The following FANCA variants were observed in gnomAD, a reference collection of about 807,000 sequenced individuals.
FANCA encodes the protein FA complementation group A.
FANCA carries 236 observed loss-of-function variants against 194.3 expected under a neutral mutation model. The observed-to-expected ratio is 1.21, with a 90% CI of 1.09 to 1.35. The LOEUF (loss-of-function observed/expected upper bound fraction) is 1.35. Among genes scored for constraint, FANCA ranks in the 40% most tolerant of loss-of-function variants. FANCA has a pLI of 0.00. For missense variants in FANCA, 2,628 were observed against 1,813.9 expected, an observed-to-expected ratio of 1.45 and a Z score of -8.15; for synonymous variants, 1,014 against 715.8, an observed-to-expected ratio of 1.42 and a Z score of -6.65.
At position 89,752,562 on chromosome 16, in the gene FANCA, T is replaced by A. The variant is rs17227022; in HGVS notation, c.2982-340A>T. Among the ~76,000 whole-genome samples, 3,550 of 152,354 alleles carry A rather than the reference T, an allele frequency of 0.023. 115 individuals carry two copies. Among genetic ancestry groups the A allele is most frequent in the African/African-American group, 0.075 (3,099 of 41,574 alleles). The stretch of plus-strand genomic sequence containing the variant: ...AGTTATACCAGATATAGATCTTAGA[T>A]ATGATTACATATGAATATCATTAAT... On this transcript the variant is annotated intron_variant, in intron 30 of 42. Transcript: ENST00000389301.
chr16:89,738,989 G>C lies in FANCA; in HGVS notation c.4168-15C>G. The C allele has an allele frequency of 1.2e-6, 2 of 1,614,222 alleles. No individual in the cohort carries two copies. Among genetic ancestry groups the C allele is most frequent in the Non-Finnish European group, 1.7e-6 (2 of 1,180,036 alleles). On this transcript the variant is annotated splice_polypyrimidine_tract_variant and intron_variant, in intron 41 of 42. Coordinates refer to ENST00000389301, the MANE Select transcript of FANCA (RefSeq NM_000135.4). ...ACGGGGTTGCCCTAGAGAGAAAACAGGCAAACTCACAGGTTAGAAGACATA... is the reference window on the plus strand; with the variant it reads ...ACGGGGTTGCCCTAGAGAGAAAACACGCAAACTCACAGGTTAGAAGACATA...
At chr16:89,769,390 T>A (rs2039243050) in intron 26 of FANCA, among the ~76,000 whole-genome samples, 1 of 152,144 alleles carries the variant, frequency 6.6e-6, no homozygotes, top group Non-Finnish European at 1.5e-5. Flanking sequence ...CACAGGGTCC[T>A]TCCTCACCTC....
chr16:89,773,711 G>A (rs2039400911), intron 21 of FANCA, among the ~76,000 whole-genome samples: 1 of 151,950 alleles, frequency 6.6e-6, no homozygotes, highest in Non-Finnish European at 1.5e-5. Flanking sequence ...GAGGATCGAG[G>A]GCTGGCGAGG....
At chr16:89,811,192 C>T (rs559425075) in intron 3 of FANCA, 121 bp from the exon 4 acceptor site, 121 of 1,228,206 alleles carry the variant, frequency 9.9e-5, no homozygotes, top group South Asian at 3.3e-4. Flanking sequence ...GCCTTTTAAA[C>T]GGGGAGAATA....
chr16:89,810,088 C>T (rs968002876), intron 5 of FANCA, among the ~76,000 whole-genome samples: 1 of 151,642 alleles, frequency 6.6e-6, no homozygotes, highest in African/African-American at 2.4e-5. Context: ...TTTGGGAGGC[C>T]GAGGTGGGCA....
chr16:89,761,023 G>C (rs982129192), intron 29 of FANCA, among the ~76,000 whole-genome samples: 1 of 152,160 alleles, frequency 6.6e-6, no homozygotes, highest in Non-Finnish European at 1.5e-5. Context: ...GGGCAGGCTT[G>C]TTTATTCCCC....
rs112992887 is a variant in FANCA, at chr16:89,795,083, G to C, written c.1006+823C>G. 3.3e-5 allele frequency among the ~76,000 whole-genome samples: 5 copies of C among 152,148 alleles called. No homozygotes were observed. In the East Asian group the frequency reaches 7.7e-4, roughly 24 times the overall value. On this transcript the variant is annotated intron_variant, in intron 11 of 42. Transcript: ENST00000389301. ...GCGGATTACCTGAGATTAGGAGTTC[G>C]AGACCAGCCTGGCCAACATGGTGAA... is the stretch of plus-strand genomic sequence containing the variant.
chr16:89,794,473 T>G (rs915523855), intron 11 of FANCA, among the ~76,000 whole-genome samples: 9 of 151,968 alleles, frequency 5.9e-5, no homozygotes, highest in Non-Finnish European at 1.0e-4. Flanking sequence ...GCGGCAGAGG[T>G]TGCAGTGAGC....
At position 89,793,527 on chromosome 16, in the gene FANCA, T is replaced by C. The variant is rs1034454265; in HGVS notation, c.1007-980A>G. On this transcript the variant is annotated intron_variant, in intron 11 of 42. Transcript: ENST00000389301. ...CTATATCTGGTATAACTATTCTTGT[T>C]TTATATTTTATTATACTAGAACAGC... Among the ~76,000 whole-genome samples, 8 of 152,324 alleles carry C rather than the reference T, an allele frequency of 5.3e-5. 1 individual carries two copies. The highest frequency in any genetic ancestry group is 4.1e-4 in the South Asian group (2 of 4,830).
At chr16:89,740,659 C>T (rs549586797) in intron 38 of FANCA, 145 bp downstream of exon 38, 16 of 652,698 alleles carry the variant, frequency 2.5e-5, no homozygotes, top group African/African-American at 5.6e-5. Context: ...AAAAAACCCA[C>T]GGCCTGGGAG....
chr16:89,815,113 G>C (rs909966715), intron 2 of FANCA, among the ~76,000 whole-genome samples: 44 of 151,724 alleles, frequency 2.9e-4, no homozygotes, highest in African/African-American at 8.9e-4. Context: ...TCTCACTCAC[G>C]GCGACCTCCA....
chr16:89,815,778 C>T, intron 2 of FANCA, 99 bp downstream of exon 2: 1 of 1,022,966 alleles, frequency 9.8e-7, no homozygotes, highest in Non-Finnish European at 1.5e-6. Flanking sequence ...GCCACCGCGC[C>T]CGCCGCCTCG....
At chr16:89,778,878 G>C in intron 19 of FANCA, 28 bp from the exon 20 acceptor site, 9 of 1,613,788 alleles carry the variant, frequency 5.6e-6, no homozygotes, top group Non-Finnish European at 6.8e-6. Context: ...ACCTGTGAGA[G>C]ACTGACAAGG....
intron 38 of FANCA, 154 bp from the exon 39 acceptor site, chr16:89,740,253 G>T: frequency 1.4e-6 from 1 of 719,084 alleles, no homozygotes; most frequent in Non-Finnish European, 2.5e-6. Flanking sequence ...GTAATACTGG[G>T]CCTCTGGACA....
Position 89,791,385 on chromosome 16 carries a change from G to A in FANCA, c.1359+18C>T, listed in dbSNP as rs529413689. 2.5e-5 allele frequency: 40 copies of A among 1,613,058 alleles called. No individual in the cohort carries two copies. Among genetic ancestry groups the A allele is most frequent in the East Asian group, 8.9e-5 (4 of 44,842 alleles). On this transcript the variant is annotated intron_variant, in intron 14 of 42. Coordinates refer to ENST00000389301, the MANE Select transcript of FANCA (RefSeq NM_000135.4). Reference sequence around the variant, plus strand: ...TGGGAAGATCAGGTATTAGGTAGCCGATTGGCAGGTCACTTACCTTGAACC... The same window carrying A: ...TGGGAAGATCAGGTATTAGGTAGCCAATTGGCAGGTCACTTACCTTGAACC...
At chr16:89,772,139 C>T (rs771548653) in intron 22 of FANCA, among the ~76,000 whole-genome samples, 3 of 152,216 alleles carry the variant, frequency 2.0e-5, no homozygotes, top group Non-Finnish European at 2.9e-5. Flanking sequence ...TCTGCCTAAG[C>T]GCATGCCAGA....
intron 6 of FANCA, 106 bp downstream of exon 6, chr16:89,808,188 A>G (rs1363150262): frequency 2.9e-6 from 3 of 1,028,638 alleles, no homozygotes; most frequent in Non-Finnish European, 4.6e-6. Context: ...TACAAATTAT[A>G]TGTCAAAGCC....
rs2039478310 is a variant in FANCA, at chr16:89,775,733, G to A, written c.1900+9C>T. The A allele has an allele frequency of 1.2e-6, 2 of 1,608,882 alleles. No homozygotes were observed. Among genetic ancestry groups the A allele is most frequent in the South Asian group, 1.1e-5 (1 of 90,058 alleles). On this transcript the variant is annotated intron_variant, in intron 21 of 42. Transcript: ENST00000389301. Reference sequence around the variant, plus strand: ...AGTCCCAGAGTGGACAAGCGGCCCAGGAACTTACCTTCTGGCTTCTCTTCA... The same window carrying A: ...AGTCCCAGAGTGGACAAGCGGCCCAAGAACTTACCTTCTGGCTTCTCTTCA...
chr16:89,807,511 A>T (rs1304254456), intron 6 of FANCA, among the ~76,000 whole-genome samples: 1 of 152,124 alleles, frequency 6.6e-6, no homozygotes, highest in African/African-American at 2.4e-5. Flanking sequence ...GCACTTTGGG[A>T]GGCCGAGGCA....
Sources: gnomAD v4.1 joint callset for allele counts (sites outside exome capture counted in the v4.1 genomes callset) on GRCh38, gnomAD v4.1.1 for gene constraint, MANE v1.5 for transcripts, NCBI Gene and HGNC (gene_info 2026-07-23, HGNC 2026-07-21) for gene names.